The following ARK2N variants were observed in gnomAD, a reference collection of about 807,000 sequenced individuals.
ARK2N encodes arkadia (RNF111) N-terminal like PKA signaling regulator 2N.
the ARK2N span, chr18:46,216,933 C>G: frequency 4.4e-6 from 1 of 229,136 alleles, no homozygotes; most frequent in Non-Finnish European, 8.7e-6. The surrounding 1 kb of genome is among the most constrained non-coding windows in gnomAD (Gnocchi z 4.3). Flanking sequence ...ACTCACTGTT[C>G]GGCATCATTA....
chr18:46,250,892 C>T, the ARK2N span, among the ~76,000 whole-genome samples: 9 of 152,186 alleles, frequency 5.9e-5, no homozygotes, highest in Non-Finnish European at 8.8e-5. Flanking sequence ...TCATCTGTGC[C>T]TACTCTTCCT....
chr18:46,207,760 G>A, the ARK2N span, among the ~76,000 whole-genome samples: 2 of 152,172 alleles, frequency 1.3e-5, no homozygotes, highest in Admixed American at 1.3e-4. Flanking sequence ...TTTAGATCCT[G>A]TCAGTTATCA....
At chr18:46,183,167 G>A in the ARK2N span, among the ~76,000 whole-genome samples, 1 of 152,072 alleles carries the variant, frequency 6.6e-6, no homozygotes, top group Non-Finnish European at 1.5e-5. Flanking sequence ...CAGATCAAGA[G>A]CCAAATAAGG....
chr18:46,206,207 C>A, the ARK2N span, among the ~76,000 whole-genome samples: 2 of 151,948 alleles, frequency 1.3e-5, no homozygotes, highest in African/African-American at 4.8e-5. Flanking sequence ...CATCTCAGTT[C>A]CCTGAGTAGC....
chr18:46,176,145 T>TTGTG, the ARK2N span, among the ~76,000 whole-genome samples: 1 of 152,244 alleles, frequency 6.6e-6, no homozygotes, highest in African/African-American at 2.4e-5. Context: ...AGTCTCTTTA[T>TTGTG]TGTGTGACTA....
At chr18:46,228,121 C>G in the ARK2N span, among the ~76,000 whole-genome samples, 1 of 151,918 alleles carries the variant, frequency 6.6e-6, no homozygotes, top group Non-Finnish European at 1.5e-5. Flanking sequence ...TTAAGTTTTA[C>G]ATCAACAGGA....
At chr18:46,203,473 G>T in the ARK2N span, among the ~76,000 whole-genome samples, 1 of 152,192 alleles carries the variant, frequency 6.6e-6, no homozygotes, top group Non-Finnish European at 1.5e-5. Flanking sequence ...GGACATGAGG[G>T]ATGCTTCTGG....
chr18:46,176,080 G>A, the ARK2N span, among the ~76,000 whole-genome samples: 1 of 152,164 alleles, frequency 6.6e-6, no homozygotes, highest in East Asian at 1.9e-4. Flanking sequence ...GAGGGCTAAT[G>A]CGTGTCCTTC....
the ARK2N span, chr18:46,232,728 T>C: frequency 6.6e-6 from 1 of 152,198 alleles, no homozygotes; most frequent in Non-Finnish European, 1.5e-5. Context: ...ATTACCACAG[T>C]GTAAAATAGA....
the ARK2N span, among the ~76,000 whole-genome samples, chr18:46,260,288 G>C: frequency 6.6e-6 from 1 of 152,104 alleles, no homozygotes; most frequent in African/African-American, 2.4e-5. Flanking sequence ...TTTCATGGTG[G>C]CTTCCACCTC....
At chr18:46,175,270 C>T in the ARK2N span, among the ~76,000 whole-genome samples, 4 of 152,080 alleles carry the variant, frequency 2.6e-5, no homozygotes, top group Non-Finnish European at 5.9e-5. Flanking sequence ...TTTCTGAATC[C>T]TCTTACCCAG....
chr18:46,216,623 A>G, the ARK2N span: 6 of 1,557,522 alleles, frequency 3.9e-6, no homozygotes, highest in Non-Finnish European at 4.4e-6. The surrounding 1 kb of genome is among the most constrained non-coding windows in gnomAD (Gnocchi z 4.3). Flanking sequence ...AACTGACTGT[A>G]AAGTACCTGA....
the ARK2N span, among the ~76,000 whole-genome samples, chr18:46,200,368 C>T: frequency 9.9e-5 from 15 of 151,956 alleles, no homozygotes; most frequent in Admixed American, 6.6e-4. Context: ...AGCGCAGTGG[C>T]GCAATCTTGG....
chr18:46,235,943 G>A, the ARK2N span, among the ~76,000 whole-genome samples: 1 of 152,134 alleles, frequency 6.6e-6, no homozygotes, highest in African/African-American at 2.4e-5. Context: ...ACATTTGATG[G>A]CAACAACGAA....
the ARK2N span, among the ~76,000 whole-genome samples, chr18:46,252,162 T>C: frequency 2.7e-5 from 4 of 150,668 alleles, no homozygotes; most frequent in Non-Finnish European, 4.4e-5. Flanking sequence ...CATTGCACTC[T>C]AGCCTGGGTA....
the ARK2N span, among the ~76,000 whole-genome samples, chr18:46,186,121 TTTTA>T: frequency 6.6e-6 from 1 of 152,084 alleles, no homozygotes; most frequent in Non-Finnish European, 1.5e-5. Flanking sequence ...CTAGGAGTGT[TTTTA>T]TTTTATTATT....
the ARK2N span, among the ~76,000 whole-genome samples, chr18:46,209,545 G>A: frequency 2.0e-5 from 3 of 151,934 alleles, no homozygotes; most frequent in Non-Finnish European, 4.4e-5. Flanking sequence ...AGAGTACAAG[G>A]GCTAAAAAGT....
the ARK2N span, among the ~76,000 whole-genome samples, chr18:46,242,000 G>A: frequency 9.9e-5 from 15 of 151,904 alleles, no homozygotes; most frequent in Admixed American, 3.3e-4. Context: ...GTAGAAATGG[G>A]GTTTTACCAT....
the ARK2N span, among the ~76,000 whole-genome samples, chr18:46,203,919 A>C: frequency 2.0e-5 from 3 of 152,160 alleles, no homozygotes; most frequent in African/African-American, 7.2e-5. Context: ...GATTTGATTT[A>C]AAGAGCAGAG....
Sources: allele counts gnomAD v4.1 joint callset (sites outside exome capture counted in the v4.1 genomes callset), GRCh38; gene constraint gnomAD v4.1.1; non-coding constraint Gnocchi (gnomAD v3.1); transcripts MANE v1.5; gene names NCBI Gene and HGNC (gene_info 2026-07-23, HGNC 2026-07-21).